The following CTNNB1 variants were observed in gnomAD, a reference collection of about 807,000 sequenced individuals.
CTNNB1 encodes the protein catenin beta 1.
In CTNNB1, 6 loss-of-function variants were observed where a neutral mutation model predicts 82.5. That is an observed-to-expected ratio of 0.07 (90% confidence interval 0.04 to 0.14). The LOEUF is 0.14. Ranked by LOEUF, CTNNB1 falls within the 10% of genes least tolerant of loss-of-function variation. CTNNB1 has a pLI of 1.00. For missense variants in CTNNB1, 529 were observed against 980.4 expected, an observed-to-expected ratio of 0.54 and a Z score of 6.15; for synonymous variants, 312 against 329.7, an observed-to-expected ratio of 0.95 and a Z score of 0.58.
At chr3:41,207,165 A>G (rs988439912) in intron 1 of CTNNB1, among the ~76,000 whole-genome samples, 1 of 152,168 alleles carries the variant, frequency 6.6e-6, no homozygotes, top group Non-Finnish European at 1.5e-5. Context: ...TAGAATAAGA[A>G]GAGGCTAGAA....
intron 1 of CTNNB1, chr3:41,221,917 T>C (rs1002540022): frequency 6.6e-6 from 1 of 152,222 alleles, no homozygotes; most frequent in African/African-American, 2.4e-5. Context: ...TTTTGTACTC[T>C]AGGCAGTTTT....
intron 1 of CTNNB1, among the ~76,000 whole-genome samples, chr3:41,202,914 G>C (rs542651042): frequency 6.6e-6 from 1 of 152,018 alleles, no homozygotes; most frequent in Non-Finnish European, 1.5e-5. Context: ...AGGCTCATCT[G>C]TTGAGGCCTG....
intron 1 of CTNNB1, among the ~76,000 whole-genome samples, chr3:41,213,433 C>T (rs190328160): frequency 3.3e-5 from 5 of 152,296 alleles, no homozygotes; most frequent in Non-Finnish European, 5.9e-5. Flanking sequence ...TAGTTACATA[C>T]TTTTTTGTAA....
At chr3:41,236,297 G>A in intron 11 of CTNNB1, 52 bp from the exon 12 acceptor site, 1 of 1,609,048 alleles carries the variant, frequency 6.2e-7, no homozygotes, top group Admixed American at 1.7e-5. Context: ...TGGGGGGCTT[G>A]CCATGTTTTA....
At chr3:41,227,057 G>A in intron 6 of CTNNB1, 151 bp from the exon 7 acceptor site, 3 of 661,820 alleles carry the variant, frequency 4.5e-6, no homozygotes, top group East Asian at 2.7e-5. Flanking sequence ...CCCAGTATGG[G>A]GGTCTGAGTG....
rs1220421791 is a variant in CTNNB1, at chr3:41,225,881, T to C, written c.936+20T>C. 1.9e-6 allele frequency: 3 copies of C among 1,604,480 alleles called. No individual in the cohort carries two copies. The highest frequency in any genetic ancestry group is 2.0e-4 in the Middle Eastern group (1 of 4,958). On this transcript the variant is annotated intron_variant, in intron 6 of 14. Transcript: ENST00000349496. This position sits in a 1 kb window ranked among gnomAD's most constrained non-coding sequence, Gnocchi z 5.3. ...AGCAAGGTAAGAGAATTATTCTTTATGTGGTTTTCATGGAGCATTGGACAC... is the reference window on the plus strand; with the variant it reads ...AGCAAGGTAAGAGAATTATTCTTTACGTGGTTTTCATGGAGCATTGGACAC...
At chr3:41,230,268 G>T (rs1012053668) in intron 7 of CTNNB1, among the ~76,000 whole-genome samples, 4 of 152,164 alleles carry the variant, frequency 2.6e-5, no homozygotes, top group Admixed American at 6.5e-5. Context: ...AACCTGTAAT[G>T]TAGGCTAAAA....
chr3:41,210,920 G>T, intron 1 of CTNNB1: 1 of 413,472 alleles, frequency 2.4e-6, no homozygotes, highest in Non-Finnish European at 4.9e-6. Context: ...CTCCCAAGTA[G>T]CTGGGACTAC....
At chr3:41,226,247 T>C (rs2125625813) in intron 6 of CTNNB1, among the ~76,000 whole-genome samples, 1 of 152,350 alleles carries the variant, frequency 6.6e-6, no homozygotes, top group South Asian at 2.1e-4. Flanking sequence ...AGTTTCCATA[T>C]GTAAAGCACT....
chr3:41,238,809 C>G lies in CTNNB1; in HGVS notation c.2138-325C>G, dbSNP rs1210721957. 2.0e-5 allele frequency among the ~76,000 whole-genome samples: 3 copies of G among 152,294 alleles called. No homozygotes were observed. In the East Asian group the frequency reaches 5.8e-4, roughly 29 times the overall value. ...TAGGTGGTCACACAGTAGATTCCTG[C>G]TTCTTCTCCTCGGGAACCCCAAGTC... On this transcript the variant is annotated intron_variant, in intron 14 of 14. Transcript: ENST00000349496.
At chr3:41,230,213 A>C (rs2078276696) in intron 7 of CTNNB1, among the ~76,000 whole-genome samples, 1 of 152,236 alleles carries the variant, frequency 6.6e-6, no homozygotes, top group Non-Finnish European at 1.5e-5. Flanking sequence ...GAGTTCATAT[A>C]GAATGAGGGG....
chr3:41,236,884 T>C (rs1428830703), intron 13 of CTNNB1, 175 bp downstream of exon 13: 2 of 736,138 alleles, frequency 2.7e-6, no homozygotes, highest in Non-Finnish European at 4.6e-6. Context: ...TAATACAAGC[T>C]TTAAAGAGTC....
At chr3:41,228,664 T>G (rs1575322339) in intron 7 of CTNNB1, among the ~76,000 whole-genome samples, 1 of 152,344 alleles carries the variant, frequency 6.6e-6, no homozygotes, top group Non-Finnish European at 1.5e-5. Context: ...ATGCCAGTAC[T>G]TTCTCCCATT....
chr3:41,211,148 C>G, intron 1 of CTNNB1: 2 of 449,156 alleles, frequency 4.5e-6, no homozygotes, highest in South Asian at 3.1e-5. Context: ...TCGTTTACAC[C>G]AGCATCACCA....
Position 41,236,515 on chromosome 3 carries a change from C to G in CTNNB1, c.1954+16C>G, listed in dbSNP as rs1343613721. On this transcript the variant is annotated intron_variant, in intron 12 of 14. Coordinates refer to ENST00000349496, the MANE Select transcript of CTNNB1 (RefSeq NM_001904.4). ...GAAGGTGTGGGTAAGTAAAAAGGAACCAAAGCCTTTAGCAGATGTGTACAT... is the reference window on the plus strand; with the variant it reads ...GAAGGTGTGGGTAAGTAAAAAGGAAGCAAAGCCTTTAGCAGATGTGTACAT... The G allele has an allele frequency of 6.2e-7, 1 of 1,614,200 alleles. No homozygotes were observed. The highest frequency in any genetic ancestry group is 8.5e-7 in the Non-Finnish European group (1 of 1,180,032).
intron 1 of CTNNB1, among the ~76,000 whole-genome samples, chr3:41,216,286 A>C (rs1220252958): frequency 6.6e-6 from 1 of 152,242 alleles, no homozygotes; most frequent in African/African-American, 2.4e-5. Flanking sequence ...TTCAGTGTTT[A>C]GCTGATACCA....
chr3:41,201,745 A>C (rs1001910457), intron 1 of CTNNB1, among the ~76,000 whole-genome samples: 2 of 152,202 alleles, frequency 1.3e-5, no homozygotes, highest in African/African-American at 4.8e-5. Context: ...AGCATTTAAC[A>C]GTGTTCAGGT....
chr3:41,215,337 C>A (rs193077996), intron 1 of CTNNB1, among the ~76,000 whole-genome samples: 3 of 139,828 alleles, frequency 2.1e-5, no homozygotes, highest in African/African-American at 7.9e-5. Context: ...GAGCCAAGAT[C>A]GCGCCACTGC....
At chr3:41,235,326 G>T (rs1380482398) in intron 10 of CTNNB1, 2 of 242,722 alleles carry the variant, frequency 8.2e-6, no homozygotes, top group Admixed American at 1.0e-4. Context: ...ACTTGGCAAA[G>T]TTTTCACCAA....
Sources: gnomAD v4.1 joint callset for allele counts (sites outside exome capture counted in the v4.1 genomes callset) on GRCh38, gnomAD v4.1.1 for gene constraint, Gnocchi (gnomAD v3.1) non-coding constraint, MANE v1.5 for transcripts, NCBI Gene and HGNC (gene_info 2026-07-23, HGNC 2026-07-21) for gene names.